The following MAST4 variants were observed in gnomAD, a reference collection of about 807,000 sequenced individuals.
The protein encoded by MAST4 is microtubule-associated serine/threonine-protein kinase 4.
MAST4 carries 89 observed loss-of-function variants against 162.7 expected under a neutral mutation model. The ratio of observed to expected loss-of-function variants is 0.55; its 90% CI spans 0.46 to 0.65. The LOEUF is 0.65. Among genes scored for constraint, MAST4 ranks in the 30% least tolerant of loss-of-function variants. MAST4 has a pLI of 0.00. For missense variants in MAST4, 3,153 were observed against 3,374.0 expected, an observed-to-expected ratio of 0.93 and a Z score of 1.62; for synonymous variants, 1,479 against 1,361.1, an observed-to-expected ratio of 1.09 and a Z score of -1.91.
intron 4 of MAST4, among the ~76,000 whole-genome samples, chr5:67,019,764 ATCTAAGT>A (rs534948945): frequency 7.9e-5 from 12 of 152,322 alleles, no homozygotes; most frequent in Admixed American, 4.6e-4. Context: ...ATATATGGAC[ATCTAAGT>A]TCTATCCGGG....
chr5:67,066,930 C>T (rs1308881759), intron 5 of MAST4, among the ~76,000 whole-genome samples: 1 of 151,924 alleles, frequency 6.6e-6, no homozygotes, highest in Non-Finnish European at 1.5e-5. Flanking sequence ...GATAACTTTA[C>T]ACATATCTAA....
At chr5:66,832,402 T>G (rs1757669058) in intron 3 of MAST4, among the ~76,000 whole-genome samples, 1 of 152,148 alleles carries the variant, frequency 6.6e-6, no homozygotes, top group South Asian at 2.1e-4. Context: ...CTTCTCTTTC[T>G]TCTAAACCCG....
intron 5 of MAST4, among the ~76,000 whole-genome samples, chr5:67,085,981 G>A (rs1034722201): frequency 6.6e-6 from 1 of 152,138 alleles, no homozygotes; most frequent in Non-Finnish European, 1.5e-5. Context: ...GGAGATCCTA[G>A]GTTTGATTCT....
At chr5:67,144,363 C>G (rs961472279) in intron 21 of MAST4, among the ~76,000 whole-genome samples, 2 of 152,044 alleles carry the variant, frequency 1.3e-5, no homozygotes, top group African/African-American at 2.4e-5. Context: ...CCTAGAAACT[C>G]CACTGCATCT....
chr5:67,151,841 C>G (rs909849518), intron 24 of MAST4, among the ~76,000 whole-genome samples: 1 of 146,954 alleles, frequency 6.8e-6, no homozygotes, highest in African/African-American at 2.5e-5. Context: ...AGTCACGGCT[C>G]ACTGCAGCCT....
intron 2 of MAST4, among the ~76,000 whole-genome samples, chr5:66,760,077 C>CAATTTATTTATTTATTTATTTATT (rs58766667): frequency 6.8e-6 from 1 of 147,174 alleles, no homozygotes; most frequent in African/African-American, 2.5e-5. Context: ...ACAATATCCC[C>CAATTTATTTATTTATTTATTTATT]TATTTATTTA....
At chr5:66,801,222 C>T (rs1413461030) in intron 3 of MAST4, among the ~76,000 whole-genome samples, 2 of 151,992 alleles carry the variant, frequency 1.3e-5, no homozygotes, top group Non-Finnish European at 2.9e-5. Context: ...CACTAGGAAA[C>T]CGTTAGAGAG....
At chr5:66,959,781 A>G (rs1188475756) in intron 4 of MAST4, among the ~76,000 whole-genome samples, 1 of 152,162 alleles carries the variant, frequency 6.6e-6, no homozygotes, top group Admixed American at 6.5e-5. Flanking sequence ...GAACTGTGGT[A>G]CATTTAGAAT....
At chr5:66,949,909 A>G (rs372007563) in intron 4 of MAST4, among the ~76,000 whole-genome samples, 15 of 152,310 alleles carry the variant, frequency 9.8e-5, no homozygotes, top group African/African-American at 3.6e-4. Flanking sequence ...AAGAGGGAGT[A>G]TATTTGAGAA....
chr5:66,980,510 T>A (rs1748661536), intron 4 of MAST4, among the ~76,000 whole-genome samples: 1 of 152,176 alleles, frequency 6.6e-6, no homozygotes, highest in Non-Finnish European at 1.5e-5. Context: ...AGAAACCATG[T>A]GTGGTTTTGG....
In MAST4 at chr5:66,617,122, G is replaced by C. The variant is rs570995136; in HGVS notation, c.363+20104G>C. 2.0e-5 allele frequency among the ~76,000 whole-genome samples: 3 copies of C among 152,156 alleles called. No homozygotes were observed. In the South Asian group the frequency reaches 6.2e-4, roughly 32 times the overall value. On this transcript the variant is annotated intron_variant, in intron 1 of 28. Transcript: ENST00000403625. Reference sequence around the variant, plus strand: ...GGAAAGCATTAAAATGGAGTATGAGGCACTCAAATTACCTTCAAATACAAC... The same window carrying C: ...GGAAAGCATTAAAATGGAGTATGAGCCACTCAAATTACCTTCAAATACAAC...
chr5:66,615,665 T>G (rs62362273), intron 1 of MAST4, among the ~76,000 whole-genome samples: 1 of 150,402 alleles, frequency 6.6e-6, no homozygotes, highest in Admixed American at 6.6e-5. Flanking sequence ...AAAAAAAAAT[T>G]AGCTGAGTAT....
At chr5:67,074,982 TTA>T (rs1581449614) in intron 5 of MAST4, among the ~76,000 whole-genome samples, 1 of 152,132 alleles carries the variant, frequency 6.6e-6, no homozygotes, top group African/African-American at 2.4e-5. Context: ...TTAAACAGTT[TTA>T]TGTGTAGCGT....
intron 1 of MAST4, among the ~76,000 whole-genome samples, chr5:66,754,171 T>C (rs1437738453): frequency 2.0e-5 from 3 of 152,106 alleles, no homozygotes; most frequent in Non-Finnish European, 4.4e-5. Context: ...AAGAGCTATC[T>C]ATGACAAACC....
chr5:66,652,102 A>G (rs995967745), intron 1 of MAST4, among the ~76,000 whole-genome samples: 2 of 152,198 alleles, frequency 1.3e-5, no homozygotes, highest in African/African-American at 2.4e-5. Flanking sequence ...GTTGTTGCCT[A>G]CCATAATTAC....
At chr5:66,901,161 T>A (rs1176989121) in intron 4 of MAST4, among the ~76,000 whole-genome samples, 1 of 152,146 alleles carries the variant, frequency 6.6e-6, no homozygotes, top group Non-Finnish European at 1.5e-5. Flanking sequence ...AATAGAAAAC[T>A]ACATGAAATA....
chr5:66,601,109 A>G (rs1742525060), intron 1 of MAST4, among the ~76,000 whole-genome samples: 1 of 152,240 alleles, frequency 6.6e-6, no homozygotes, highest in Non-Finnish European at 1.5e-5. Flanking sequence ...GTACTAATGC[A>G]GTAGATGAGT....
chr5:66,974,678 G>A (rs1013518865), intron 4 of MAST4, among the ~76,000 whole-genome samples: 1 of 152,156 alleles, frequency 6.6e-6, no homozygotes, highest in Non-Finnish European at 1.5e-5. Context: ...ACTTGACTAT[G>A]TTAGAACTTT....
chr5:67,036,543 G>C (rs1226412268), intron 4 of MAST4, among the ~76,000 whole-genome samples: 1 of 152,130 alleles, frequency 6.6e-6, no homozygotes, highest in African/African-American at 2.4e-5. Flanking sequence ...ATCTGAGGAT[G>C]TTCAAAATCT....
Sources: gnomAD v4.1 joint callset for allele counts (sites outside exome capture counted in the v4.1 genomes callset) on GRCh38, gnomAD v4.1.1 for gene constraint, MANE v1.5 for transcripts, NCBI Gene and HGNC (gene_info 2026-07-23, HGNC 2026-07-21) for gene names.